AUTS2: variants seen among roughly 807,000 people sequenced by gnomAD.
The protein encoded by AUTS2 is activator of transcription and developmental regulator AUTS2, also known as autism susceptibility gene 2 protein.
A neutral mutation model predicts 112.4 loss-of-function variants in AUTS2; 17 were observed. The ratio of observed to expected loss-of-function variants is 0.15; its 90% CI spans 0.10 to 0.23. The LOEUF is 0.23. Ranked by LOEUF, AUTS2 falls within the 10% of genes least tolerant of loss-of-function variation. AUTS2 has a pLI of 1.00. For synonymous variants in AUTS2, 751 were observed against 702.7 expected, an observed-to-expected ratio of 1.07 and a Z score of -1.09; for missense variants, 1,510 against 1,701.6, an observed-to-expected ratio of 0.89 and a Z score of 1.98.
At chr7:69,911,745 A>C (rs984019059) in intron 2 of AUTS2, among the ~76,000 whole-genome samples, 2 of 152,102 alleles carry the variant, frequency 1.3e-5, no homozygotes, top group Admixed American at 6.5e-5. Context: ...TTATGTGCTT[A>C]GAAGGGAAGA....
intron 2 of AUTS2, among the ~76,000 whole-genome samples, chr7:70,107,795 C>G (rs556327023): frequency 6.6e-6 from 1 of 150,674 alleles, no homozygotes; most frequent in Non-Finnish European, 1.5e-5. Flanking sequence ...AGGCAGATCA[C>G]GAGGTCAGGA....
intron 4 of AUTS2, among the ~76,000 whole-genome samples, chr7:70,310,648 G>A (rs556849801): frequency 6.6e-6 from 1 of 151,778 alleles, no homozygotes; most frequent in South Asian, 2.1e-4. Flanking sequence ...GCTCAGTCCA[G>A]GCAGTAGACT....
intron 1 of AUTS2, among the ~76,000 whole-genome samples, chr7:69,801,846 A>G (rs931243862): frequency 7.2e-5 from 11 of 152,192 alleles, no homozygotes; most frequent in African/African-American, 2.7e-4. Context: ...GAGTATTAGA[A>G]ACTGGTAAGT....
At chr7:70,005,726 A>G (rs1200913227) in intron 2 of AUTS2, among the ~76,000 whole-genome samples, 1 of 152,146 alleles carries the variant, frequency 6.6e-6, no homozygotes, top group African/African-American at 2.4e-5. Context: ...CAAAATCAAC[A>G]AGGGCAAGGA....
At chr7:69,844,710 C>G (rs893282753) in intron 1 of AUTS2, among the ~76,000 whole-genome samples, 3 of 152,158 alleles carry the variant, frequency 2.0e-5, no homozygotes, top group Non-Finnish European at 4.4e-5. Context: ...CCTCAGCTCT[C>G]TAGATCTGTT....
intron 4 of AUTS2, among the ~76,000 whole-genome samples, chr7:70,314,133 A>G (rs948720366): frequency 6.6e-6 from 1 of 152,200 alleles, no homozygotes; most frequent in African/African-American, 2.4e-5. Flanking sequence ...TCCCAAGGAC[A>G]CAGTGAGATT....
intron 4 of AUTS2, among the ~76,000 whole-genome samples, chr7:70,314,175 CT>C (rs1789890317): frequency 6.6e-6 from 1 of 152,214 alleles, no homozygotes; most frequent in Admixed American, 6.5e-5. Context: ...GTCTCTCTCT[CT>C]TTCCCTGCCA....
intron 4 of AUTS2, among the ~76,000 whole-genome samples, chr7:70,226,332 T>C (rs1811761602): frequency 6.6e-6 from 1 of 150,818 alleles, no homozygotes; most frequent in Non-Finnish European, 1.5e-5. Context: ...TAGCTGGGAC[T>C]ACAGGCGCCC....
chr7:70,196,740 C>G (rs1169010659), intron 4 of AUTS2, among the ~76,000 whole-genome samples: 5 of 152,200 alleles, frequency 3.3e-5, no homozygotes, highest in African/African-American at 1.2e-4. Context: ...ACTTTTCCCA[C>G]TGAGATTTAC....
intron 1 of AUTS2, among the ~76,000 whole-genome samples, chr7:69,753,733 G>A (rs1461287339): frequency 6.6e-6 from 1 of 152,190 alleles, no homozygotes; most frequent in Non-Finnish European, 1.5e-5. Flanking sequence ...TAAAGGCTCA[G>A]GAAATAACTT....
At chr7:70,040,643 C>G (rs1465922180) in intron 2 of AUTS2, among the ~76,000 whole-genome samples, 1 of 152,146 alleles carries the variant, frequency 6.6e-6, no homozygotes. Flanking sequence ...GACCGTGGGA[C>G]CACCCAGGAA....
intron 5 of AUTS2, among the ~76,000 whole-genome samples, chr7:70,499,344 G>T (rs1345359035): frequency 1.3e-5 from 2 of 152,198 alleles, no homozygotes; most frequent in African/African-American, 4.8e-5. Flanking sequence ...GTGGCTGGAG[G>T]AGTTCCAGGC....
At chr7:70,510,011 C>A (rs1311399321) in intron 5 of AUTS2, among the ~76,000 whole-genome samples, 1 of 152,166 alleles carries the variant, frequency 6.6e-6, no homozygotes. Context: ...TGTCTGTGTT[C>A]TGTGTCTTTT....
rs1396737157 is a variant in AUTS2 at position 70,467,368 on chromosome 7, T to C, written c.690+31587T>C. On this transcript the variant is annotated intron_variant, in intron 5 of 18. Transcript: ENST00000342771. ...AGCTTCAGACTCCAGGAAACCTCTA[T>C]CTACCTCTGGCCAAGTAAGTAACCT... 1.3e-5 allele frequency among the ~76,000 whole-genome samples: 2 copies of C among 152,194 alleles called. 1 individual carries two copies. Among genetic ancestry groups the C allele is most frequent in the Non-Finnish European group, 2.9e-5 (2 of 68,032 alleles).
chr7:69,775,276 G>GC (rs1385312037), intron 1 of AUTS2, among the ~76,000 whole-genome samples: 1 of 152,142 alleles, frequency 6.6e-6, no homozygotes, highest in Non-Finnish European at 1.5e-5. Context: ...TGTTGCCTGG[G>GC]CAGTCATGGT....
chr7:69,627,811 T>C (rs1794029165), intron 1 of AUTS2, among the ~76,000 whole-genome samples: 1 of 152,216 alleles, frequency 6.6e-6, no homozygotes, highest in South Asian at 2.1e-4. Flanking sequence ...TTTCCTTGTG[T>C]ATAAAATGGA....
chr7:69,714,735 C>A (rs909446848), intron 1 of AUTS2, among the ~76,000 whole-genome samples: 4 of 151,998 alleles, frequency 2.6e-5, no homozygotes, highest in Non-Finnish European at 5.9e-5. Flanking sequence ...TTTTCTGTAT[C>A]CACAAAAATG....
Position 70,790,158 on chromosome 7 carries a change from A to G in AUTS2, c.2942A>G (p.Lys981Arg). Residue 981 changes from lysine (K) to arginine (R), a missense_variant, in exon 19 of 19, where the codon AAG becomes AGG. Lys to Arg is a conservative substitution (Grantham distance 26). Coordinates refer to ENST00000342771, the MANE Select transcript of AUTS2 (RefSeq NM_015570.4). The surrounding 1 kb of genome is among the most constrained non-coding windows in gnomAD (Gnocchi z 7.6). ...YENPKKSSEV[K>R]VKEERKEDHD... ...AACCCCAAGAAGAGCTCCGAGGTCA[A>G]GGTGAAGGAGGAGCGGAAGGAAGAC... The G allele has an allele frequency of 1.2e-6, 2 of 1,611,876 alleles. No homozygotes were observed. Among genetic ancestry groups the G allele is most frequent in the Non-Finnish European group, 1.7e-6 (2 of 1,179,594 alleles).
At chr7:69,758,038 G>A (rs1220577034) in intron 1 of AUTS2, among the ~76,000 whole-genome samples, 1 of 152,202 alleles carries the variant, frequency 6.6e-6, no homozygotes, top group Non-Finnish European at 1.5e-5. Flanking sequence ...CAGCATAGGC[G>A]ATCTTTGATC....
Sources: allele counts gnomAD v4.1 joint callset (sites outside exome capture counted in the v4.1 genomes callset), GRCh38; gene constraint gnomAD v4.1.1; non-coding constraint Gnocchi (gnomAD v3.1); transcripts MANE v1.5; gene names NCBI Gene and HGNC (gene_info 2026-07-23, HGNC 2026-07-21).